The following PCDH15 variants were observed in gnomAD, a reference collection of about 807,000 sequenced individuals.
PCDH15 encodes the protein protocadherin-15.
A neutral mutation model predicts 178.5 loss-of-function variants in PCDH15; 129 were observed. The ratio of observed to expected loss-of-function variants is 0.72; its 90% confidence interval spans 0.63 to 0.84. The LOEUF (loss-of-function observed/expected upper bound fraction) is 0.84. Ranked by LOEUF, PCDH15 falls within the 40% of genes least tolerant of loss-of-function variation. PCDH15 has a pLI of 0.00. For synonymous variants in PCDH15, 800 were observed against 732.0 expected, an observed-to-expected ratio of 1.09 and a Z score of -1.50; for missense variants, 2,230 against 2,099.9, an observed-to-expected ratio of 1.06 and a Z score of -1.21.
Position 54,717,919 on chromosome 10 carries a change from T to C in PCDH15, c.-28-53629A>G, listed in dbSNP as rs1256616831. ...AATGTGGCACATATACACCATGGAA[T>C]ACTATGCAGCCATAAAAAATGATGA... On this transcript the variant is annotated intron_variant, in intron 1 of 37. Transcript: ENST00000644397. Among the ~76,000 whole-genome samples the C allele has an allele frequency of 3.4e-5, 5 of 145,324 alleles. 1 individual carries two copies. Among genetic ancestry groups the C allele is most frequent in the Non-Finnish European group, 7.5e-5 (5 of 66,452 alleles).
chr10:54,130,720 A>G (rs766240397), intron 15 of PCDH15, among the ~76,000 whole-genome samples: 9 of 152,180 alleles, frequency 5.9e-5, no homozygotes, highest in Non-Finnish European at 1.0e-4. Context: ...CTATCTTCAA[A>G]ACTATATTTC....
In PCDH15 at chr10:54,416,562, T is replaced by C. The variant is rs146271499; in HGVS notation, c.158-37620A>G. 2.3e-3 allele frequency among the ~76,000 whole-genome samples: 348 copies of C among 152,294 alleles called. 2 individuals are homozygous for C. Among genetic ancestry groups the C allele is most frequent in the Middle Eastern group, 6.8e-3 (2 of 292 alleles). ...TGGGTTTGTTCCATGACTTTGCTAT[T>C]GTAAATAGTGCTGCAATAAACATAC... On this transcript the variant is annotated intron_variant, in intron 3 of 37. Transcript: ENST00000644397.
At chr10:55,361,815 A>G (rs2131979341) in intron 2 of PCDH15, among the ~76,000 whole-genome samples, 1 of 152,186 alleles carries the variant, frequency 6.6e-6, no homozygotes, top group African/African-American at 2.4e-5. Context: ...TTTCATTACA[A>G]ATGTACAGTG....
intron 3 of PCDH15, among the ~76,000 whole-genome samples, chr10:54,392,420 T>G (rs1258350018): frequency 7.7e-6 from 1 of 129,956 alleles, no homozygotes; most frequent in Non-Finnish European, 1.5e-5. Flanking sequence ...CAGGCTAGAT[T>G]GTGCCACTGC....
intron 2 of PCDH15, among the ~76,000 whole-genome samples, chr10:55,474,283 CTGAA>C (rs1565176200): frequency 6.6e-6 from 1 of 152,148 alleles, no homozygotes; most frequent in African/African-American, 2.4e-5. Flanking sequence ...GTACATTACA[CTGAA>C]TGGAAGGAGT....
At chr10:54,653,747 T>C (rs2094315088) in intron 2 of PCDH15, among the ~76,000 whole-genome samples, 1 of 152,250 alleles carries the variant, frequency 6.6e-6, no homozygotes, top group Non-Finnish European at 1.5e-5. Context: ...GAAATTTCCA[T>C]ATGCTTCTCA....
chr10:55,068,769 T>TG (rs1554827587), intron 2 of PCDH15, among the ~76,000 whole-genome samples: 156 of 150,854 alleles, frequency 1.0e-3, no homozygotes, highest in African/African-American at 3.6e-3. Context: ...TCTTTCATCA[T>TG]TGTGTGTGTG....
intron 2 of PCDH15, among the ~76,000 whole-genome samples, chr10:55,338,451 G>A (rs946190251): frequency 2.6e-5 from 4 of 152,088 alleles, no homozygotes; most frequent in Admixed American, 2.6e-4. Flanking sequence ...ATACACAAAA[G>A]AATATTATTC....
At chr10:54,721,508 AAAG>A (rs1479682939) in intron 1 of PCDH15, among the ~76,000 whole-genome samples, 1 of 151,944 alleles carries the variant, frequency 6.6e-6, no homozygotes, top group African/African-American at 2.4e-5. Flanking sequence ...AAAGAGATTC[AAAG>A]AAGTACAATG....
At position 53,840,650 on chromosome 10, in the gene PCDH15, C is replaced by A. The variant is rs79012507; in HGVS notation, c.3807-154G>T. ...TGAATATAAACCCTTGAAAAACATT[C>A]TCTATATTTTTTCAGCATTTAGCTC... On this transcript the variant is annotated intron_variant, in intron 28 of 37. Transcript: ENST00000644397. Among the ~76,000 whole-genome samples, 302 of 152,256 alleles carry A rather than the reference C, an allele frequency of 2.0e-3. 2 individuals carry two copies. The highest frequency in any genetic ancestry group is 0.016 in the South Asian group (78 of 4,818).
chr10:54,099,369 G>A (rs2094761934), intron 15 of PCDH15, among the ~76,000 whole-genome samples: 1 of 151,502 alleles, frequency 6.6e-6, no homozygotes, highest in African/African-American at 2.4e-5. Context: ...GCATGGTGGT[G>A]GGCGCCTGTA....
At chr10:54,960,483 T>TA (rs1256487281) in intron 2 of PCDH15, among the ~76,000 whole-genome samples, 7 of 152,084 alleles carry the variant, frequency 4.6e-5, no homozygotes, top group Non-Finnish European at 8.8e-5. Context: ...AGAGAGCTAA[T>TA]AAAAAAACTA....
At chr10:54,027,479 C>T (rs1170704548) in intron 18 of PCDH15, among the ~76,000 whole-genome samples, 1 of 151,566 alleles carries the variant, frequency 6.6e-6, no homozygotes, top group East Asian at 1.9e-4. Context: ...GCCTTCATCG[C>T]CAAGTCAATC....
chr10:55,453,690 T>C (rs7072639), intron 2 of PCDH15, among the ~76,000 whole-genome samples: 116,364 of 152,038 alleles, frequency 0.77, 45,896 homozygotes, highest in East Asian at 0.99. Flanking sequence ...ATACTGACCC[T>C]GACTATAGGG....
At chr10:53,926,713 A>C (rs954313536) in intron 25 of PCDH15, among the ~76,000 whole-genome samples, 3 of 152,186 alleles carry the variant, frequency 2.0e-5, no homozygotes, top group African/African-American at 7.2e-5. Flanking sequence ...GGTCACTCAT[A>C]TTTGGCTCAG....
chr10:53,824,718 T>C (rs1361036669), intron 32 of PCDH15, among the ~76,000 whole-genome samples: 1 of 152,102 alleles, frequency 6.6e-6, no homozygotes, highest in Non-Finnish European at 1.5e-5. Context: ...TACTGGTTGT[T>C]TTTGTAAACA....
intron 1 of PCDH15, among the ~76,000 whole-genome samples, chr10:55,303,333 C>A (rs1393044124): frequency 6.6e-6 from 1 of 152,134 alleles, no homozygotes; most frequent in East Asian, 1.9e-4. Flanking sequence ...TTGCTTGAAT[C>A]AGATTGTTGT....
intron 3 of PCDH15, among the ~76,000 whole-genome samples, chr10:54,459,786 C>G (rs1174992354): frequency 1.3e-5 from 2 of 152,068 alleles, no homozygotes; most frequent in Non-Finnish European, 2.9e-5. Context: ...TGTGAAGTCA[C>G]ACAAGTTTAA....
At position 53,866,939 on chromosome 10, in the gene PCDH15, GA is replaced by G. The variant is rs879016459; in HGVS notation, c.3502-83del. ...TGAAATGGCTTACTTTTGTTTGTAA[GA>G]ATGAGGTTTCTTATGTAATAATAAC... On this transcript the variant is annotated intron_variant, in intron 26 of 37. Coordinates refer to ENST00000644397, the MANE Select transcript of PCDH15 (RefSeq NM_001384140.1). 2.5e-5 allele frequency: 24 copies of G among 973,326 alleles called. 1 individual carries two copies. The South Asian group carries it at 3.0e-4, about 12-fold the overall frequency. The allele number at this position is 973,326 out of a possible 1,614,324, so 60.3% of individuals were successfully genotyped here.
Sources: gnomAD v4.1 joint callset for allele counts (sites outside exome capture counted in the v4.1 genomes callset) on GRCh38, gnomAD v4.1.1 for gene constraint, MANE v1.5 for transcripts, NCBI Gene and HGNC (gene_info 2026-07-23, HGNC 2026-07-21) for gene names.